The following ZFHX4 variants were observed in gnomAD, a reference collection of about 807,000 sequenced individuals.
ZFHX4 encodes zinc finger homeobox protein 4.
A neutral mutation model predicts 267.6 loss-of-function variants in ZFHX4; 56 were observed. The observed-to-expected ratio is 0.21, with a 90% CI of 0.17 to 0.26. The LOEUF (loss-of-function observed/expected upper bound fraction) is 0.26, where lower values mean the gene tolerates loss of function less well. ZFHX4 is among the 10% of genes least tolerant of loss of function. ZFHX4 has a pLI of 1.00. For missense variants in ZFHX4, 4,332 were observed against 4,420.0 expected, an observed-to-expected ratio of 0.98 and a Z score of 0.56; for synonymous variants, 1,778 against 1,665.6, an observed-to-expected ratio of 1.07 and a Z score of -1.64.
rs751959354 is a variant in ZFHX4 at position 76,706,572 on chromosome 8, C to T, written c.2484C>T (p.Asn828=). 1.9e-6 allele frequency: 3 copies of T among 1,611,930 alleles called. No homozygotes were observed. Among genetic ancestry groups the T allele is most frequent in the Non-Finnish European group, 1.7e-6 (2 of 1,179,156 alleles). ...AELYQYYLAQ[N]IGLTGMKLEN... is the part of the protein sequence containing the mutation. ...TTTATCAGTACTACCTAGCCCAGAACATAGGCCTGACCGGAATGAAGCTGG... is the reference window on the plus strand; with the variant it reads ...TTTATCAGTACTACCTAGCCCAGAATATAGGCCTGACCGGAATGAAGCTGG... Residue 828 remains asparagine, a synonymous_variant, in exon 2 of 11, where the codon AAC becomes AAT. Coordinates refer to ENST00000651372, the MANE Select transcript of ZFHX4 (RefSeq NM_024721.5).
At position 76,780,278 on chromosome 8, in the gene ZFHX4, C is replaced by CA. The variant is rs534819690; in HGVS notation, c.3325+1842dup. Reference sequence around the variant, plus strand: ...GTTGCTTTTAAATGAAGCTGTCTATCAAAGTACAAAGCATCTGTATAACCT... The same window carrying CA: ...GTTGCTTTTAAATGAAGCTGTCTATCAAAAGTACAAAGCATCTGTATAACCT... On this transcript the variant is annotated intron_variant, in intron 4 of 10. Transcript: ENST00000651372. 5.3e-5 allele frequency among the ~76,000 whole-genome samples: 8 copies of CA among 152,264 alleles called. No homozygotes were observed. In the South Asian group the frequency reaches 1.7e-3, roughly 32 times the overall value.
At chr8:76,744,333 G>A (rs982029409) in intron 3 of ZFHX4, among the ~76,000 whole-genome samples, 4 of 152,074 alleles carry the variant, frequency 2.6e-5, no homozygotes, top group Non-Finnish European at 4.4e-5. Flanking sequence ...GCGACAGAGC[G>A]AGACTCCACC....
chr8:76,745,991 C>T (rs1333114617), intron 3 of ZFHX4, among the ~76,000 whole-genome samples: 2 of 152,282 alleles, frequency 1.3e-5, no homozygotes, highest in East Asian at 1.9e-4. Context: ...TACAGGATTA[C>T]TTTTATTTCT....
rs528451268 is a variant in ZFHX4, at chr8:76,803,812, C to A, written c.3325+25373C>A. The stretch of plus-strand genomic sequence containing the variant: ...TGTTACATTTAGTTTTAAATTAAAA[C>A]CCATTTTGACAATACACCAATAAAA... On this transcript the variant is annotated intron_variant, in intron 4 of 10. Coordinates refer to ENST00000651372, the MANE Select transcript of ZFHX4 (RefSeq NM_024721.5). 1.3e-3 allele frequency among the ~76,000 whole-genome samples: 202 copies of A among 152,102 alleles called. 1 individual carries two copies. Among genetic ancestry groups the A allele is most frequent in the South Asian group, 8.7e-3 (42 of 4,820 alleles).
At chr8:76,684,048 G>GT (rs532154153) in intron 1 of ZFHX4, 2,903 of 145,836 alleles carry the variant, frequency 0.02, 83 homozygotes, top group African/African-American at 0.062. Flanking sequence ...TTCTGTTTTG[G>GT]TTTTTTTTTT....
At chr8:76,720,867 A>G (rs1585881079) in intron 3 of ZFHX4, among the ~76,000 whole-genome samples, 1 of 152,206 alleles carries the variant, frequency 6.6e-6, no homozygotes, top group East Asian at 1.9e-4. Flanking sequence ...AAACTAAGGC[A>G]ATGAAATCTT....
intron 5 of ZFHX4, among the ~76,000 whole-genome samples, chr8:76,839,353 G>T (rs1812176852): frequency 6.6e-6 from 1 of 152,062 alleles, no homozygotes; most frequent in Admixed American, 6.5e-5. Flanking sequence ...GAAGTTTGTT[G>T]TAACATTTCT....
chr8:76,782,010 T>C, intron 4 of ZFHX4: 1 of 305,598 alleles, frequency 3.3e-6, no homozygotes, highest in Non-Finnish European at 6.6e-6. Context: ...GAAAACATTT[T>C]ATTCCATTTC....
chr8:76,840,939 A>G (rs1477737631), intron 5 of ZFHX4, among the ~76,000 whole-genome samples: 1 of 152,180 alleles, frequency 6.6e-6, no homozygotes, highest in Non-Finnish European at 1.5e-5. Flanking sequence ...ATCAGTAATT[A>G]TCACTGACGG....
chr8:76,777,398 C>T (rs577040339), intron 3 of ZFHX4, among the ~76,000 whole-genome samples: 2 of 152,036 alleles, frequency 1.3e-5, no homozygotes, highest in Admixed American at 1.3e-4. Flanking sequence ...TTGTGGGTCA[C>T]TGTGAATGGT....
chr8:76,785,649 C>T (rs549581896), intron 4 of ZFHX4, among the ~76,000 whole-genome samples: 130 of 152,208 alleles, frequency 8.5e-4, no homozygotes, highest in African/African-American at 2.9e-3. Context: ...TGATTATAGA[C>T]ATTAACATAC....
At chr8:76,735,927 T>G (rs905379793) in intron 3 of ZFHX4, among the ~76,000 whole-genome samples, 20 of 152,214 alleles carry the variant, frequency 1.3e-4, no homozygotes, top group African/African-American at 3.8e-4. Flanking sequence ...GATTAAATGG[T>G]GACCCTTAAT....
At chr8:76,849,413 T>C (rs1230075264) in intron 7 of ZFHX4, 99 bp from the exon 8 acceptor site, 6 of 1,106,328 alleles carry the variant, frequency 5.4e-6, no homozygotes, top group Non-Finnish European at 8.1e-6. Context: ...ATTGTAAGCA[T>C]GTACCAAAAT....
At chr8:76,746,336 T>C (rs1330900391) in intron 3 of ZFHX4, among the ~76,000 whole-genome samples, 1 of 152,100 alleles carries the variant, frequency 6.6e-6, no homozygotes, top group Non-Finnish European at 1.5e-5. Flanking sequence ...GCCCAGGAGT[T>C]TGAGGCTGCA....
At chr8:76,726,655 T>C (rs1043736305) in intron 3 of ZFHX4, among the ~76,000 whole-genome samples, 2 of 152,178 alleles carry the variant, frequency 1.3e-5, no homozygotes, top group African/African-American at 2.4e-5. Context: ...ATAACAATTA[T>C]AGAGAATGAG....
At chr8:76,725,089 G>A (rs892019447) in intron 3 of ZFHX4, among the ~76,000 whole-genome samples, 18 of 152,010 alleles carry the variant, frequency 1.2e-4, no homozygotes, top group Non-Finnish European at 2.4e-4. Flanking sequence ...AGGGAACTCT[G>A]TATTGTATGT....
Position 76,815,775 on chromosome 8 carries a change from G to A in ZFHX4, c.3326-17563G>A, listed in dbSNP as rs371126169. Reference sequence around the variant, plus strand: ...CTTGGTCTCCCAAAGTGCTGAGATCGTAGGCTTGAACCACTGCATCTGGCC... The same window carrying A: ...CTTGGTCTCCCAAAGTGCTGAGATCATAGGCTTGAACCACTGCATCTGGCC... On this transcript the variant is annotated intron_variant, in intron 4 of 10. Coordinates refer to ENST00000651372, the MANE Select transcript of ZFHX4 (RefSeq NM_024721.5). Among the ~76,000 whole-genome samples the A allele has an allele frequency of 7.2e-5, 11 of 152,176 alleles. No homozygotes were observed. In the East Asian group the frequency reaches 1.7e-3, roughly 24 times the overall value.
chr8:76,810,316 A>G (rs1040819552), intron 4 of ZFHX4, among the ~76,000 whole-genome samples: 1 of 152,224 alleles, frequency 6.6e-6, no homozygotes, highest in African/African-American at 2.4e-5. Context: ...TGCTGTGTCT[A>G]GGATCAGCCT....
chr8:76,714,710 G>A (rs1301712862), intron 3 of ZFHX4, among the ~76,000 whole-genome samples: 13 of 152,180 alleles, frequency 8.5e-5, no homozygotes. Context: ...CTATGTGAAA[G>A]GTTTTGAAGT....
Sources: allele counts gnomAD v4.1 joint callset (sites outside exome capture counted in the v4.1 genomes callset), GRCh38; gene constraint gnomAD v4.1.1; transcripts MANE v1.5; gene names NCBI Gene and HGNC (gene_info 2026-07-23, HGNC 2026-07-21).